Variants in DAAM1 observed in about 807,000 individuals in gnomAD.
DAAM1 encodes the protein disheveled-associated activator of morphogenesis 1.
In DAAM1, 52 loss-of-function variants were observed where a neutral mutation model predicts 130.0. The observed-to-expected ratio is 0.40, with a 90% CI of 0.32 to 0.50. DAAM1 has a LOEUF of 0.50. Among genes scored for constraint, DAAM1 ranks in the 20% least tolerant of loss-of-function variants. The probability of loss-of-function intolerance (pLI) is 0.61; values close to 1 mark genes in which losing one functional copy is unlikely to be tolerated. For missense variants in DAAM1, 1,134 were observed against 1,303.8 expected (o/e 0.87, Z 2.01); for synonymous variants, 452 against 444.5 (o/e 1.02, Z -0.21).
At chr14:59,231,812 A>G (rs1889117492) in intron 1 of DAAM1, among the ~76,000 whole-genome samples, 1 of 152,228 alleles carries the variant, frequency 6.6e-6, no homozygotes, top group African/African-American at 2.4e-5. Context: ...GAGGTCTACC[A>G]AAGCATATAA....
intron 2 of DAAM1, among the ~76,000 whole-genome samples, chr14:59,273,090 T>G (rs1428467310): frequency 6.6e-6 from 1 of 152,220 alleles, no homozygotes; most frequent in Non-Finnish European, 1.5e-5. Context: ...TTGTACTGGT[T>G]GAAGTCCTGT....
intron 1 of DAAM1, among the ~76,000 whole-genome samples, chr14:59,199,223 G>A (rs754847542): frequency 6.6e-6 from 1 of 152,218 alleles, no homozygotes; most frequent in South Asian, 2.1e-4. Flanking sequence ...ACTCGACAGA[G>A]TCTTTTGGTG....
At chr14:59,268,426 C>G (rs1408513480) in intron 2 of DAAM1, among the ~76,000 whole-genome samples, 1 of 152,178 alleles carries the variant, frequency 6.6e-6, no homozygotes, top group African/African-American at 2.4e-5. Flanking sequence ...CAGACTGTTT[C>G]AAAATGACTG....
At chr14:59,265,239 G>A (rs755381033) in intron 2 of DAAM1, 1 of 152,194 alleles carries the variant, frequency 6.6e-6, no homozygotes, top group Non-Finnish European at 1.5e-5. Flanking sequence ...TTGATTTCTG[G>A]TCTCCTGCGT....
chr14:59,213,195 C>T (rs1888479542), intron 1 of DAAM1, among the ~76,000 whole-genome samples: 1 of 151,892 alleles, frequency 6.6e-6, no homozygotes, highest in Non-Finnish European at 1.5e-5. Context: ...ATATTATGTG[C>T]CGTGGAGTCC....
At chr14:59,365,693 T>C (rs1201808306) in intron 23 of DAAM1, among the ~76,000 whole-genome samples, 1 of 152,106 alleles carries the variant, frequency 6.6e-6, no homozygotes, top group Admixed American at 6.6e-5. Context: ...CAAAGGCAAG[T>C]AAAGCAATAA....
chr14:59,338,885 G>A (rs1469110564), intron 15 of DAAM1, among the ~76,000 whole-genome samples: 1 of 152,126 alleles, frequency 6.6e-6, no homozygotes, highest in African/African-American at 2.4e-5. Context: ...GTTGAATTTA[G>A]ATGCTTGATA....
rs893403023 is a variant in DAAM1, at chr14:59,299,612, G to C, written c.273+8306G>C. The C allele has an allele frequency of 3.3e-5, 5 of 152,270 alleles. No individual in the cohort carries two copies. The East Asian group carries it at 7.7e-4, about 24-fold the overall frequency. 9.4% of individuals were successfully genotyped at this position (152,270 alleles called of 1,614,324 possible). ...CAATAGTGATAATTTCAAAAGTGTT[G>C]AACGGCAGGATATTTCAGAGGCAGA... On this transcript the variant is annotated intron_variant, in intron 3 of 24. Coordinates refer to ENST00000360909, the MANE Select transcript of DAAM1 (RefSeq NM_001270520.2).
At chr14:59,226,652 T>C (rs188477162) in intron 1 of DAAM1, among the ~76,000 whole-genome samples, 160 of 152,304 alleles carry the variant, frequency 1.1e-3, no homozygotes, top group African/African-American at 3.7e-3. Flanking sequence ...TTCAGTAGGA[T>C]TCTCAGTTGT....
chr14:59,232,334 A>G (rs1889133597), intron 1 of DAAM1, among the ~76,000 whole-genome samples: 1 of 152,204 alleles, frequency 6.6e-6, no homozygotes, highest in Non-Finnish European at 1.5e-5. Context: ...TCATAGTTTT[A>G]TCAGAGAACC....
chr14:59,239,644 C>A (rs955418584), intron 1 of DAAM1, among the ~76,000 whole-genome samples: 1 of 152,092 alleles, frequency 6.6e-6, no homozygotes, highest in African/African-American at 2.4e-5. Context: ...GCCCCCACCC[C>A]GATCCTTGTT....
At chr14:59,262,653 AGT>A (rs5809025) in intron 1 of DAAM1, among the ~76,000 whole-genome samples, 13,178 of 140,388 alleles carry the variant, frequency 0.094, 603 homozygotes, top group Middle Eastern at 0.15. Context: ...ATATTCTATT[AGT>A]GTGTGTGTGT....
chr14:59,238,362 C>G (rs192233678), intron 1 of DAAM1, among the ~76,000 whole-genome samples: 11 of 152,238 alleles, frequency 7.2e-5, no homozygotes, highest in South Asian at 2.1e-4. Flanking sequence ...TCCTCTGAAC[C>G]CTTACGGTAC....
Position 59,324,450 on chromosome 14 carries a change from G to A in DAAM1, c.985G>A (p.Asp329Asn). 1.3e-6 allele frequency: 2 copies of A among 1,569,646 alleles called. No homozygotes were observed. Among genetic ancestry groups the A allele is most frequent in the Admixed American group, 1.8e-5 (1 of 56,412 alleles). ...AAGGGAACACGAAAATTCAACATTA[G>A]ATAGGTAAGTCAGACTATTATGATG... ...KLREHENSTL[D>N]RHLDFFEMLR... Residue 329 changes from aspartate to asparagine, a missense_variant, in exon 8 of 25, where the codon GAT (aspartate) becomes AAT (asparagine). This residue lies in a region of DAAM1 where 391 missense variants were observed against 521.6 expected (regional missense o/e 0.75). Transcript: ENST00000360909.
intron 1 of DAAM1, among the ~76,000 whole-genome samples, chr14:59,219,728 A>G (rs1429658480): frequency 6.6e-6 from 1 of 152,218 alleles, no homozygotes; most frequent in Admixed American, 6.5e-5. Flanking sequence ...AACATGCAAT[A>G]CTTGATTTGA....
intron 1 of DAAM1, among the ~76,000 whole-genome samples, chr14:59,198,267 G>A (rs1333186727): frequency 4.7e-5 from 7 of 148,406 alleles, no homozygotes; most frequent in Admixed American, 3.4e-4. Flanking sequence ...GTACAGTGGT[G>A]CAATCTTGGC....
intron 15 of DAAM1, chr14:59,338,258 G>A: frequency 1.1e-6 from 1 of 892,888 alleles, no homozygotes; most frequent in Non-Finnish European, 1.8e-6. Flanking sequence ...GATCCCAGGG[G>A]CATAAATCAT....
chr14:59,364,695 A>T (rs1206092798), intron 23 of DAAM1, among the ~76,000 whole-genome samples: 1 of 150,892 alleles, frequency 6.6e-6, no homozygotes, highest in Non-Finnish European at 1.5e-5. Context: ...GTTTGGTTGT[A>T]GATATGGATG....
At chr14:59,352,041 G>T (rs1441787734) in intron 17 of DAAM1, among the ~76,000 whole-genome samples, 1 of 152,156 alleles carries the variant, frequency 6.6e-6, no homozygotes, top group Non-Finnish European at 1.5e-5. Flanking sequence ...ATAAGAAAAT[G>T]GAATGGAAAC....
Sources: gnomAD v4.1 joint callset for allele counts (sites outside exome capture counted in the v4.1 genomes callset) on GRCh38, gnomAD v4.1.1 for gene constraint, gnomAD v4.1.1 regional missense constraint, MANE v1.5 for transcripts, NCBI Gene and HGNC (gene_info 2026-07-23, HGNC 2026-07-21) for gene names.